Variants in IER3IP1 observed in about 807,000 individuals in gnomAD.
IER3IP1 encodes immediate early response 3-interacting protein 1.
In IER3IP1, 16 loss-of-function variants were observed where a neutral mutation model predicts 12.2. The observed-to-expected ratio is 1.31, with a 90% CI of 0.89 to 1.99. The LOEUF (loss-of-function observed/expected upper bound fraction) is 1.99, where lower values mean the gene tolerates loss of function less well. Ranked by LOEUF, IER3IP1 falls within the 30% of genes most tolerant of loss-of-function variation. The pLI, the probability that IER3IP1 is intolerant of heterozygous loss-of-function variation, is 0.00. For missense variants in IER3IP1, 95 were observed against 95.8 expected (o/e 0.99, Z 0.03); for synonymous variants, 42 against 40.0 (o/e 1.05, Z -0.19).
At chr18:47,162,989 T>C (rs11875768) in intron 1 of IER3IP1, among the ~76,000 whole-genome samples, 1 of 151,964 alleles carries the variant, frequency 6.6e-6, no homozygotes, top group African/African-American at 2.4e-5. Flanking sequence ...AGGGAGAGTT[T>C]GAGAAGTATG....
In IER3IP1 at chr18:47,167,898, T is replaced by C. The variant is rs924053899; in HGVS notation, c.91+8289A>G. 4.6e-5 allele frequency among the ~76,000 whole-genome samples: 7 copies of C among 151,702 alleles called. No homozygotes were observed. The East Asian group carries it at 1.4e-3, about 29-fold the overall frequency. On this transcript the variant is annotated intron_variant, in intron 1 of 2. Coordinates refer to ENST00000256433, the MANE Select transcript of IER3IP1 (RefSeq NM_016097.5). ...CAGCACTTTAGGAAGCCGACGCGGGTGGATCACCTGAGGTCAGGAGTTCAA... is the reference window on the plus strand; with the variant it reads ...CAGCACTTTAGGAAGCCGACGCGGGCGGATCACCTGAGGTCAGGAGTTCAA...
chr18:47,157,417 TA>T lies in IER3IP1; in HGVS notation c.193+18del, dbSNP rs750563346. On this transcript the variant is annotated intron_variant, in intron 2 of 2. Transcript: ENST00000256433. ...ACAACATTAAAACTTAAGAATGCTC[TA>T]TTAGCTTTTCTTCTTACCTCTCATC... The T allele has an allele frequency of 6.3e-7, 1 of 1,590,944 alleles. No homozygotes were observed. Among genetic ancestry groups the T allele is most frequent in the East Asian group, 2.2e-5 (1 of 44,732 alleles).
At chr18:47,156,790 G>GTTTTTTTTTTTTTTTTTTTTTTTTCTGT (rs34039061) in intron 2 of IER3IP1, 1 of 102,914 alleles carries the variant, frequency 9.7e-6, no homozygotes, top group Non-Finnish European at 1.9e-5. Context: ...TTCTTTTCTG[G>GTTTTTTTTTTTTTTTTTTTTTTTTCTGT]TTTTTTTTTT....
At chr18:47,159,048 A>C (rs528840920) in intron 1 of IER3IP1, among the ~76,000 whole-genome samples, 1 of 152,332 alleles carries the variant, frequency 6.6e-6, no homozygotes, top group East Asian at 1.9e-4. Flanking sequence ...TTACACAAAA[A>C]AATAGGCAAT....
chr18:47,168,287 G>A (rs2064003352), intron 1 of IER3IP1, among the ~76,000 whole-genome samples: 2 of 132,060 alleles, frequency 1.5e-5, no homozygotes, highest in Non-Finnish European at 3.1e-5. Context: ...GGGCCACAGT[G>A]CAAGACTCCA....
chr18:47,166,412 G>A (rs894355320), intron 1 of IER3IP1, among the ~76,000 whole-genome samples: 5 of 152,190 alleles, frequency 3.3e-5, no homozygotes, highest in African/African-American at 1.2e-4. Context: ...GGCAATGCCA[G>A]AGGTAGGTCT....
rs2063957384 is a variant in IER3IP1 at position 47,156,002 on chromosome 18, C to A, written c.*175G>T. On this transcript the variant is annotated 3_prime_UTR_variant, in exon 3 of 3. Transcript: ENST00000256433. Reference sequence around the variant, plus strand: ...GATCTGATCTTTTGTAATGAAACTACAAGTGCAACATTAAAAAAAAAAACA... The same window carrying A: ...GATCTGATCTTTTGTAATGAAACTAAAAGTGCAACATTAAAAAAAAAAACA... 1 of 581,642 alleles carries A rather than the reference C, an allele frequency of 1.7e-6. No homozygotes were observed. Among genetic ancestry groups the A allele is most frequent in the Non-Finnish European group, 3.1e-6 (1 of 327,162 alleles). 36.0% of individuals were successfully genotyped at this position (581,642 alleles called of 1,614,324 possible).
chr18:47,162,427 A>C (rs534252679), intron 1 of IER3IP1, among the ~76,000 whole-genome samples: 1 of 152,346 alleles, frequency 6.6e-6, no homozygotes, highest in East Asian at 1.9e-4. Context: ...ACTCTAAGGA[A>C]GAGAAGATGC....
chr18:47,157,414 C>T, intron 2 of IER3IP1, 22 bp downstream of exon 2: 1 of 1,583,674 alleles, frequency 6.3e-7, no homozygotes, highest in Non-Finnish European at 8.7e-7. Flanking sequence ...CTTAAGAATG[C>T]TCTATTAGCT....
chr18:47,162,600 T>G (rs1046162948), intron 1 of IER3IP1, among the ~76,000 whole-genome samples: 1 of 151,556 alleles, frequency 6.6e-6, no homozygotes, highest in Non-Finnish European at 1.5e-5. Flanking sequence ...AAAGATGAAA[T>G]TAAGAACACC....
chr18:47,176,095 G>A, intron 1 of IER3IP1, 92 bp downstream of exon 1: 1 of 1,021,754 alleles, frequency 9.8e-7, no homozygotes, highest in Non-Finnish European at 1.5e-6. Context: ...CTTCTGTCCC[G>A]GCCCTTGGTG....
At chr18:47,170,011 C>G (rs80006910) in intron 1 of IER3IP1, among the ~76,000 whole-genome samples, 7,991 of 152,184 alleles carry the variant, frequency 0.053, 259 homozygotes, top group East Asian at 0.091. Flanking sequence ...CCAACCAAAA[C>G]TCACAGAGCT....
At chr18:47,157,283 A>C in intron 2 of IER3IP1, 153 bp downstream of exon 2, 2 of 652,954 alleles carry the variant, frequency 3.1e-6, no homozygotes, top group African/African-American at 1.8e-5. Context: ...GAAAAAAAAA[A>C]AAAAAACCCA....
chr18:47,172,088 T>C lies in IER3IP1; in HGVS notation c.91+4099A>G, dbSNP rs2064017426. The stretch of plus-strand genomic sequence containing the variant: ...TGAGCCACGGTGCTGGGCCTTCTGT[T>C]TTGGTCTTTCTTAGAAAACATTTTG... On this transcript the variant is annotated intron_variant, in intron 1 of 2. Coordinates refer to ENST00000256433, the MANE Select transcript of IER3IP1 (RefSeq NM_016097.5). The surrounding 1 kb of genome is among the most constrained non-coding windows in gnomAD (Gnocchi z 4.0). 1.3e-5 allele frequency among the ~76,000 whole-genome samples: 2 copies of C among 152,122 alleles called. No homozygotes were observed. Among genetic ancestry groups the C allele is most frequent in the Admixed American group, 6.6e-5 (1 of 15,262 alleles).
chr18:47,157,070 G>A (rs2063962975), intron 2 of IER3IP1: 1 of 234,704 alleles, frequency 4.3e-6, no homozygotes, highest in African/African-American at 2.4e-5. Flanking sequence ...GGGATTACAG[G>A]AGTAAACCAA....
chr18:47,176,348 G>T lies in IER3IP1; in HGVS notation c.-71C>A. 1.5e-6 allele frequency: 2 copies of T among 1,329,912 alleles called. No individual in the cohort carries two copies. The highest frequency in any genetic ancestry group is 2.1e-6 in the Non-Finnish European group (2 of 951,260). The allele number at this position is 1,329,912 out of a possible 1,614,324, so 82.4% of individuals were successfully genotyped here. ...GCCGCAAGGGACGTGGCGCCTCCAC[G>T]GCCGGCGCCTTCCTACGGAAGCCGA... On this transcript the variant is annotated 5_prime_UTR_variant, in exon 1 of 3. Coordinates refer to ENST00000256433, the MANE Select transcript of IER3IP1 (RefSeq NM_016097.5).
chr18:47,173,783 TG>T (rs1568074952), intron 1 of IER3IP1, among the ~76,000 whole-genome samples: 1 of 152,172 alleles, frequency 6.6e-6, no homozygotes, highest in African/African-American at 2.4e-5. Context: ...TGGTTCCTTC[TG>T]GGGGGCTCTG....
In IER3IP1 at chr18:47,172,749, G is replaced by A. The variant is rs1282596428; in HGVS notation, c.91+3438C>T. Among the ~76,000 whole-genome samples, 1 of 152,128 alleles carries A rather than the reference G, an allele frequency of 6.6e-6. No individual in the cohort carries two copies. The highest frequency in any genetic ancestry group is 1.5e-5 in the Non-Finnish European group (1 of 68,030). ...ATGGCAGGCTACAACTGAAAAGTGTGGAAAGACAAACCACAGATGAGGGGG... is the reference window on the plus strand; with the variant it reads ...ATGGCAGGCTACAACTGAAAAGTGTAGAAAGACAAACCACAGATGAGGGGG... On this transcript the variant is annotated intron_variant, in intron 1 of 2. Coordinates refer to ENST00000256433, the MANE Select transcript of IER3IP1 (RefSeq NM_016097.5). The surrounding 1 kb of genome is among the most constrained non-coding windows in gnomAD (Gnocchi z 4.0).
chr18:47,171,905 G>A (rs1437763369), intron 1 of IER3IP1, among the ~76,000 whole-genome samples: 5 of 151,802 alleles, frequency 3.3e-5, no homozygotes, highest in Admixed American at 2.6e-4. Flanking sequence ...CCATTCTCCT[G>A]CCTCAGCCTC....
Sources: gnomAD v4.1 joint callset for allele counts (sites outside exome capture counted in the v4.1 genomes callset) on GRCh38, gnomAD v4.1.1 for gene constraint, Gnocchi (gnomAD v3.1) non-coding constraint, MANE v1.5 for transcripts, NCBI Gene and HGNC (gene_info 2026-07-23, HGNC 2026-07-21) for gene names.